Variants in MYO16 observed in about 807,000 individuals in gnomAD.
The protein encoded by MYO16 is unconventional myosin-XVI.
MYO16 carries 94 observed loss-of-function variants against 205.3 expected under a neutral mutation model. The observed-to-expected ratio is 0.46, with a 90% CI of 0.39 to 0.54. The LOEUF is 0.54. Among genes scored for constraint, MYO16 ranks in the 20% least tolerant of loss-of-function variants. The pLI is 0.00. For synonymous variants in MYO16, 988 were observed against 954.0 expected (o/e 1.04, Z -0.66); for missense variants, 2,315 against 2,387.5 (o/e 0.97, Z 0.63).
intron 15 of MYO16, among the ~76,000 whole-genome samples, chr13:108,908,972 C>CAAAAAAAA (rs201906153): frequency 1.8e-5 from 2 of 111,670 alleles, no homozygotes; most frequent in East Asian, 5.2e-4. Flanking sequence ...GACTGTGTCT[C>CAAAAAAAA]AAAAAAAATA....
intron 4 of MYO16, among the ~76,000 whole-genome samples, chr13:108,775,987 G>T (rs547456662): frequency 1.7e-4 from 26 of 152,208 alleles, no homozygotes; most frequent in Admixed American, 9.8e-4. Flanking sequence ...CAAAGGGGCG[G>T]GTTTTGCCTA....
chr13:109,085,617 A>C (rs1397429649), intron 27 of MYO16, among the ~76,000 whole-genome samples: 1 of 152,358 alleles, frequency 6.6e-6, no homozygotes, highest in East Asian at 1.9e-4. Flanking sequence ...TTGAGTACAT[A>C]ACATTTTTAA....
At chr13:109,035,578 G>A (rs903440971) in intron 23 of MYO16, among the ~76,000 whole-genome samples, 5 of 152,174 alleles carry the variant, frequency 3.3e-5, no homozygotes, top group African/African-American at 9.7e-5. Context: ...CAGCTACTCA[G>A]GAGGCTGAGG....
rs557174963 is a variant in MYO16, at chr13:108,878,685, C to G, written c.1426-4374C>G. 2.1e-4 allele frequency among the ~76,000 whole-genome samples: 32 copies of G among 152,368 alleles called. 1 individual carries two copies. In the East Asian group the frequency reaches 4.8e-3, roughly 23 times the overall value. On this transcript the variant is annotated intron_variant, in intron 12 of 34. Coordinates refer to ENST00000457511, the MANE Select transcript of MYO16 (RefSeq NM_001198950.3). ...AAAGCTAAAAGAGTACACTGTAACA[C>G]ATGCCCACTTGGGCTTCAGAAGTTG...
At chr13:109,139,538 A>G (rs773957224) in intron 31 of MYO16, among the ~76,000 whole-genome samples, 3 of 152,166 alleles carry the variant, frequency 2.0e-5, no homozygotes, top group Non-Finnish European at 4.4e-5. Context: ...GCCACAGACA[A>G]AACTCCTCAG....
intron 32 of MYO16, among the ~76,000 whole-genome samples, chr13:109,161,864 G>A (rs1263334908): frequency 2.0e-5 from 3 of 152,138 alleles, no homozygotes; most frequent in Non-Finnish European, 4.4e-5. Flanking sequence ...GGAGGCCAAG[G>A]AAGGCAGATC....
intron 9 of MYO16, among the ~76,000 whole-genome samples, chr13:108,832,845 T>G (rs144659350): frequency 1.3e-5 from 2 of 152,310 alleles, no homozygotes; most frequent in East Asian, 3.9e-4. Context: ...AATCAAATAT[T>G]ACAACTACAT....
intron 2 of MYO16, among the ~76,000 whole-genome samples, chr13:108,684,149 C>T (rs1389415203): frequency 6.6e-6 from 1 of 152,206 alleles, no homozygotes; most frequent in African/African-American, 2.4e-5. Context: ...GCTGGGATTA[C>T]AGGCGTGAGC....
the MYO16 span, among the ~76,000 whole-genome samples, chr13:108,504,030 G>A: frequency 6.6e-6 from 1 of 152,022 alleles, no homozygotes; most frequent in Admixed American, 6.6e-5. Context: ...ACAACAAAAT[G>A]TATCATTTTA....
intron 20 of MYO16, among the ~76,000 whole-genome samples, chr13:108,967,388 G>A (rs1316882530): frequency 1.3e-5 from 2 of 152,078 alleles, no homozygotes; most frequent in Non-Finnish European, 2.9e-5. Context: ...ATCCAAATAG[G>A]TTTTGCTTCT....
chr13:108,911,077 A>AGG (rs67476875), intron 16 of MYO16, among the ~76,000 whole-genome samples: 1 of 151,118 alleles, frequency 6.6e-6, no homozygotes, highest in Non-Finnish European at 1.5e-5. Context: ...AGAGAGAGAG[A>AGG]AGGGTTGCTT....
chr13:108,703,408 G>A (rs1216027782), intron 2 of MYO16, among the ~76,000 whole-genome samples: 2 of 151,954 alleles, frequency 1.3e-5, no homozygotes, highest in African/African-American at 4.8e-5. Context: ...CTAACAACAG[G>A]GTTCCAAAAT....
At chr13:109,088,294 G>A (rs1888504443) in intron 27 of MYO16, among the ~76,000 whole-genome samples, 1 of 152,224 alleles carries the variant, frequency 6.6e-6, no homozygotes, top group South Asian at 2.1e-4. Context: ...TTACGTGTGG[G>A]AAAGGCTGCT....
At chr13:108,819,211 G>A (rs1875816347) in intron 7 of MYO16, among the ~76,000 whole-genome samples, 1 of 152,064 alleles carries the variant, frequency 6.6e-6, no homozygotes, top group South Asian at 2.1e-4. Flanking sequence ...ACTGCAAATG[G>A]CTTGAATACT....
chr13:109,045,311 C>A (rs570093328), intron 23 of MYO16, among the ~76,000 whole-genome samples: 2 of 152,294 alleles, frequency 1.3e-5, no homozygotes, highest in Non-Finnish European at 1.5e-5. Context: ...ACTATCACCC[C>A]CAGTTGTGAC....
the MYO16 span, among the ~76,000 whole-genome samples, chr13:108,522,353 G>A: frequency 6.6e-6 from 1 of 152,142 alleles, no homozygotes; most frequent in East Asian, 1.9e-4. Context: ...CATTTAACAT[G>A]TTCCTTTTTT....
rs1305947499 is a variant in MYO16 at position 108,695,364 on chromosome 13, A to T, written c.293-17297A>T. Among the ~76,000 whole-genome samples the T allele has an allele frequency of 1.3e-5, 2 of 152,246 alleles. 1 individual carries two copies. The highest frequency in any genetic ancestry group is 4.1e-4 in the South Asian group (2 of 4,822). On this transcript the variant is annotated intron_variant, in intron 2 of 34. Transcript: ENST00000457511. ...TGGGTGTATCAGTTCTGAATTCCTG[A>T]TTCCATTTCATTGGTCTATAGGTTT...
chr13:109,089,301 C>T (rs1305299437), intron 27 of MYO16, among the ~76,000 whole-genome samples: 1 of 151,996 alleles, frequency 6.6e-6, no homozygotes, highest in Non-Finnish European at 1.5e-5. Context: ...GCAGCCTCCA[C>T]CTCCTGGGTT....
chr13:108,819,274 G>A (rs141543415), intron 7 of MYO16, among the ~76,000 whole-genome samples: 1 of 152,268 alleles, frequency 6.6e-6, no homozygotes, highest in Non-Finnish European at 1.5e-5. Context: ...ACTATTCCAT[G>A]CAGCCAAAAG....
Sources: allele counts gnomAD v4.1 joint callset (sites outside exome capture counted in the v4.1 genomes callset), GRCh38; gene constraint gnomAD v4.1.1; transcripts MANE v1.5; gene names NCBI Gene and HGNC (gene_info 2026-07-23, HGNC 2026-07-21).